Variants in SLC9A4 observed in about 807,000 individuals in gnomAD.
SLC9A4 encodes the protein sodium/hydrogen exchanger 4.
In SLC9A4, 63 loss-of-function variants were observed where a neutral mutation model predicts 67.4. The observed-to-expected ratio is 0.93, with a 90% confidence interval of 0.76 to 1.15. The LOEUF is 1.15. SLC9A4 is among the 50% of genes most tolerant of loss of function. The pLI, the probability that SLC9A4 is intolerant of heterozygous loss-of-function variation, is 0.00. For synonymous variants in SLC9A4, 393 were observed against 367.2 expected, an observed-to-expected ratio of 1.07 and a Z score of -0.80; for missense variants, 1,089 against 987.7, an observed-to-expected ratio of 1.10 and a Z score of -1.38.
Position 102,533,776 on chromosome 2 carries a change from GA to G in SLC9A4, c.*1090del, listed in dbSNP as rs1259562276. On this transcript the variant is annotated 3_prime_UTR_variant, in exon 12 of 12. Coordinates refer to ENST00000295269, the MANE Select transcript of SLC9A4 (RefSeq NM_001011552.4). Reference sequence around the variant, plus strand: ...TTTTGTTCTTGGGATAGTTTACTGAGAATGATGATTTCCAATTTCATCCATG... The same window carrying G: ...TTTTGTTCTTGGGATAGTTTACTGAGATGATGATTTCCAATTTCATCCATG... 4 of 151,238 alleles carry G rather than the reference GA, an allele frequency of 2.6e-5. No individual in the cohort carries two copies. Among genetic ancestry groups the G allele is most frequent in the Non-Finnish European group, 5.9e-5 (4 of 67,814 alleles). 9.4% of individuals were successfully genotyped at this position (151,238 alleles called of 1,614,324 possible). A position where few individuals can be genotyped will look rare whatever the true frequency, so the allele number is the denominator to read the frequency against.
intron 4 of SLC9A4, among the ~76,000 whole-genome samples, chr2:102,507,307 G>A (rs537882496): frequency 2.0e-5 from 3 of 152,200 alleles, no homozygotes; most frequent in East Asian, 4.0e-4. Flanking sequence ...TGAGGATGTG[G>A]AGAGTTTTAT....
At chr2:102,505,514 T>A (rs769347364) in intron 4 of SLC9A4, 43 bp downstream of exon 4, 1 of 1,580,254 alleles carries the variant, frequency 6.3e-7, no homozygotes, top group Admixed American at 1.7e-5. Flanking sequence ...CCTGCTGCAT[T>A]TTCAGTTCTC....
Position 102,476,054 on chromosome 2 carries a change from C to T in SLC9A4, c.256+2039C>T, listed in dbSNP as rs1468788. Among the ~76,000 whole-genome samples the T allele has an allele frequency of 0.53, 80,862 of 152,016 alleles. 22,145 individuals are homozygous for T. The highest frequency in any genetic ancestry group is 0.58 in the African/African-American group (23,875 of 41,464). On this transcript the variant is annotated intron_variant, in intron 1 of 11. Transcript: ENST00000295269. Reference sequence around the variant, plus strand: ...CCTGACCTCAAGGGACTTGGTCTAACGGGGAAGATAGGTTAACTTAGTACT... The same window carrying T: ...CCTGACCTCAAGGGACTTGGTCTAATGGGGAAGATAGGTTAACTTAGTACT...
At chr2:102,493,452 A>T (rs891138535) in intron 2 of SLC9A4, among the ~76,000 whole-genome samples, 37 of 151,910 alleles carry the variant, frequency 2.4e-4, no homozygotes, top group African/African-American at 7.3e-4. Flanking sequence ...GTCACGTCTT[A>T]CATGGTGGCA....
At chr2:102,520,092 C>G (rs765232565) in intron 9 of SLC9A4, 137 bp downstream of exon 9, 7 of 665,120 alleles carry the variant, frequency 1.1e-5, no homozygotes, top group Non-Finnish European at 1.5e-5. Context: ...TATTTTCTCT[C>G]TGCTTAGTTT....
chr2:102,474,823 G>A (rs1300809520), intron 1 of SLC9A4, among the ~76,000 whole-genome samples: 1 of 152,192 alleles, frequency 6.6e-6, no homozygotes, highest in Non-Finnish European at 1.5e-5. Flanking sequence ...CTTTGCCTCA[G>A]CTATAAACTT....
intron 2 of SLC9A4, among the ~76,000 whole-genome samples, chr2:102,494,286 G>A (rs1403549): frequency 6.6e-6 from 1 of 151,602 alleles, no homozygotes; most frequent in Non-Finnish European, 1.5e-5. Context: ...TTAGCCAAAA[G>A]TATACTGTAA....
intron 4 of SLC9A4, 111 bp downstream of exon 4, chr2:102,505,582 C>G: frequency 9.4e-7 from 1 of 1,060,440 alleles, no homozygotes; most frequent in Non-Finnish European, 1.4e-6. Flanking sequence ...CTGGTTTTAC[C>G]GGTTAGGGTA....
At chr2:102,486,148 G>A (rs1684584478) in intron 2 of SLC9A4, among the ~76,000 whole-genome samples, 1 of 152,150 alleles carries the variant, frequency 6.6e-6, no homozygotes, top group South Asian at 2.1e-4. Flanking sequence ...CAAGAACATG[G>A]ATGGGAAGCC....
At position 102,514,067 on chromosome 2, in the gene SLC9A4, A is replaced by C. The variant is rs1402587110; in HGVS notation, c.1560-23A>C. The C allele has an allele frequency of 1.9e-6, 3 of 1,607,412 alleles. No individual in the cohort carries two copies. In the East Asian group the frequency reaches 6.7e-5, roughly 36 times the overall value. On this transcript the variant is annotated intron_variant, in intron 7 of 11. Coordinates refer to ENST00000295269, the MANE Select transcript of SLC9A4 (RefSeq NM_001011552.4). ...ACACATACAGACGTTCAAGATTTCC[A>C]AAATGTTGGTTTTCATTTTTAGGTT...
intron 9 of SLC9A4, among the ~76,000 whole-genome samples, chr2:102,523,248 A>G (rs1013605150): frequency 1.3e-5 from 2 of 152,100 alleles, no homozygotes; most frequent in African/African-American, 4.8e-5. Context: ...TGCTAGGATT[A>G]CCAGTGTGAG....
At chr2:102,506,321 C>A (rs1028130243) in intron 4 of SLC9A4, among the ~76,000 whole-genome samples, 1 of 152,134 alleles carries the variant, frequency 6.6e-6, no homozygotes, top group African/African-American at 2.4e-5. Flanking sequence ...TGTTAAATGA[C>A]TTTGACCAAT....
intron 11 of SLC9A4, among the ~76,000 whole-genome samples, chr2:102,529,781 T>G (rs956577623): frequency 6.6e-6 from 1 of 152,184 alleles, no homozygotes; most frequent in Non-Finnish European, 1.5e-5. Flanking sequence ...CCTTCCTAGC[T>G]CTCCCCTTGC....
chr2:102,494,525 C>T (rs955925366), intron 2 of SLC9A4, among the ~76,000 whole-genome samples: 1 of 152,002 alleles, frequency 6.6e-6, no homozygotes, highest in Non-Finnish European at 1.5e-5. Context: ...CTAAACGCTC[C>T]AATTAAAAGT....
intron 9 of SLC9A4, among the ~76,000 whole-genome samples, chr2:102,521,681 C>A (rs1467070094): frequency 6.6e-6 from 1 of 152,196 alleles, no homozygotes; most frequent in East Asian, 1.9e-4. Context: ...CAACTCAGGA[C>A]AATTATACAT....
chr2:102,517,591 A>T (rs1232248638), intron 8 of SLC9A4, among the ~76,000 whole-genome samples: 1 of 152,244 alleles, frequency 6.6e-6, no homozygotes, highest in African/African-American at 2.4e-5. Context: ...AATAGCTAGA[A>T]GAGAATGATT....
intron 5 of SLC9A4, 133 bp from the exon 6 acceptor site, chr2:102,508,714 C>A (rs1685098491): frequency 1.6e-6 from 1 of 628,682 alleles, no homozygotes; most frequent in Non-Finnish European, 2.7e-6. Context: ...ATGAACATTG[C>A]AGCATTTACT....
intron 8 of SLC9A4, among the ~76,000 whole-genome samples, chr2:102,517,219 G>A (rs1295450739): frequency 6.6e-6 from 1 of 152,136 alleles, no homozygotes; most frequent in Non-Finnish European, 1.5e-5. Context: ...TGCACACAGG[G>A]CTGCTGGTGG....
chr2:102,482,639 A>G (rs114653075), intron 2 of SLC9A4, among the ~76,000 whole-genome samples: 1 of 152,218 alleles, frequency 6.6e-6, no homozygotes, highest in African/African-American at 2.4e-5. Flanking sequence ...TTTCACTCAG[A>G]TCCAAGTTTT....
Sources: gnomAD v4.1 joint callset for allele counts (sites outside exome capture counted in the v4.1 genomes callset) on GRCh38, gnomAD v4.1.1 for gene constraint, MANE v1.5 for transcripts, NCBI Gene and HGNC (gene_info 2026-07-23, HGNC 2026-07-21) for gene names.